The following TSPAN12 variants were observed in gnomAD, a reference collection of about 807,000 sequenced individuals.
TSPAN12 encodes the protein tetraspanin 12.
In TSPAN12, 19 loss-of-function variants were observed where a neutral mutation model predicts 39.2. That is an observed-to-expected ratio of 0.49 (90% CI 0.34 to 0.71). The LOEUF (loss-of-function observed/expected upper bound fraction) is 0.71, where lower values mean the gene tolerates loss of function less well. Ranked by LOEUF, TSPAN12 falls within the 30% of genes least tolerant of loss-of-function variation. The pLI is 0.01. For missense variants in TSPAN12, 314 were observed against 359.9 expected, an observed-to-expected ratio of 0.87 and a Z score of 1.03; for synonymous variants, 119 against 124.8, an observed-to-expected ratio of 0.95 and a Z score of 0.31.
chr7:120,840,901 G>A lies in TSPAN12; in HGVS notation c.67-792C>T, dbSNP rs375766695. On this transcript the variant is annotated intron_variant, in intron 2 of 7. Transcript: ENST00000222747. ...GATCTCTAGAAAAAAGATCCTCAAT[G>A]GCTGCAATTTTATCAGGTCATTGGT... Among the ~76,000 whole-genome samples, 6 of 152,288 alleles carry A rather than the reference G, an allele frequency of 3.9e-5. No individual in the cohort carries two copies. In the East Asian group the frequency reaches 5.8e-4, roughly 15 times the overall value.
At chr7:120,808,425 C>T (rs1402067245) in intron 6 of TSPAN12, among the ~76,000 whole-genome samples, 4 of 152,106 alleles carry the variant, frequency 2.6e-5, no homozygotes, top group Non-Finnish European at 5.9e-5. Context: ...CTGTGGTCTA[C>T]ATCTCCTTGT....
chr7:120,838,828 C>A lies in TSPAN12; in HGVS notation c.234G>T (p.Gly78=), dbSNP rs1794526154. ...TCACCGTTCCACAATATCCTAACATCCCCACAATGATAAGGAAACAGCAAA... is the reference window on the plus strand; with the variant it reads ...TCACCGTTCCACAATATCCTAACATACCCACAATGATAAGGAAACAGCAAA... ...IAVCCFLIIV[G]MLGYCGTVKR... is the part of the protein sequence containing the mutation. Residue 78 remains glycine, a synonymous_variant, in exon 4 of 8, where the codon GGG becomes GGT. Coordinates refer to ENST00000222747, the MANE Select transcript of TSPAN12 (RefSeq NM_012338.4). 4.3e-6 allele frequency: 7 copies of A among 1,613,820 alleles called. No homozygotes were observed. Among genetic ancestry groups the A allele is most frequent in the Non-Finnish European group, 5.9e-6 (7 of 1,179,898 alleles).
chr7:120,807,429 A>G (rs1265262008), intron 6 of TSPAN12, among the ~76,000 whole-genome samples: 1 of 152,120 alleles, frequency 6.6e-6, no homozygotes, highest in Non-Finnish European at 1.5e-5. Flanking sequence ...GTTTGGAAAC[A>G]CTGCTTAAGG....
chr7:120,804,903 G>A (rs1793840186), intron 7 of TSPAN12, among the ~76,000 whole-genome samples: 1 of 152,062 alleles, frequency 6.6e-6, no homozygotes, highest in Admixed American at 6.6e-5. Flanking sequence ...GAGGAACCAG[G>A]AAAATTGTCA....
chr7:120,839,949 C>G (rs1049386570), intron 3 of TSPAN12, 78 bp downstream of exon 3: 2 of 1,167,718 alleles, frequency 1.7e-6, no homozygotes, highest in Admixed American at 1.7e-5. Flanking sequence ...CAAGGAAGAG[C>G]ACTACCATAT....
At chr7:120,789,118 T>G (rs953979792) in intron 7 of TSPAN12, among the ~76,000 whole-genome samples, 1 of 152,196 alleles carries the variant, frequency 6.6e-6, no homozygotes, top group African/African-American at 2.4e-5. Flanking sequence ...GCCAACCCCT[T>G]CTTTTGTCTT....
At chr7:120,797,459 G>T (rs1793655600) in intron 7 of TSPAN12, among the ~76,000 whole-genome samples, 1 of 152,256 alleles carries the variant, frequency 6.6e-6, no homozygotes, top group East Asian at 1.9e-4. Context: ...ATGAAAGAGA[G>T]ATAAACTCCC....
intron 4 of TSPAN12, among the ~76,000 whole-genome samples, chr7:120,830,188 T>C (rs550712443): frequency 2.6e-5 from 4 of 152,254 alleles, no homozygotes; most frequent in African/African-American, 9.6e-5. Context: ...GTTTATGGAT[T>C]AGAAGAATTA....
chr7:120,855,090 G>T (rs1238220678), intron 2 of TSPAN12, among the ~76,000 whole-genome samples: 8 of 152,096 alleles, frequency 5.3e-5, no homozygotes, highest in Non-Finnish European at 1.0e-4. Flanking sequence ...GAATGATTTG[G>T]TTCTTTTTTC....
chr7:120,798,388 G>C (rs962108312), intron 7 of TSPAN12, among the ~76,000 whole-genome samples: 3 of 152,146 alleles, frequency 2.0e-5, no homozygotes, highest in African/African-American at 7.2e-5. Flanking sequence ...ACAGGAGGGA[G>C]CATCTTTGAC....
At chr7:120,802,628 C>A (rs1793795962) in intron 7 of TSPAN12, among the ~76,000 whole-genome samples, 1 of 152,036 alleles carries the variant, frequency 6.6e-6, no homozygotes, top group South Asian at 2.1e-4. Flanking sequence ...CAAATGGAAC[C>A]CAGTAGGCAA....
intron 2 of TSPAN12, among the ~76,000 whole-genome samples, chr7:120,849,115 CCA>C (rs1225731062): frequency 2.6e-5 from 4 of 152,176 alleles, no homozygotes; most frequent in African/African-American, 4.8e-5. Flanking sequence ...TTTGCTTTCT[CCA>C]GTATTGCAAC....
At chr7:120,802,786 T>C (rs1793799250) in intron 7 of TSPAN12, among the ~76,000 whole-genome samples, 1 of 152,226 alleles carries the variant, frequency 6.6e-6, no homozygotes, top group South Asian at 2.1e-4. Flanking sequence ...TTATGGATAT[T>C]TGAAGAGCTG....
chr7:120,822,615 G>A (rs932806888), intron 4 of TSPAN12, among the ~76,000 whole-genome samples: 1 of 152,058 alleles, frequency 6.6e-6, no homozygotes, highest in Admixed American at 6.6e-5. Flanking sequence ...TTCACATCAC[G>A]GAGTCCCCAA....
intron 2 of TSPAN12, 121 bp from the exon 3 acceptor site, chr7:120,840,230 T>C: frequency 2.5e-6 from 2 of 815,990 alleles, no homozygotes; most frequent in Non-Finnish European, 2.1e-6. Context: ...ATTTGCTGCA[T>C]CTTGAAATTT....
At chr7:120,822,848 C>T (rs1229910471) in intron 4 of TSPAN12, among the ~76,000 whole-genome samples, 5 of 152,072 alleles carry the variant, frequency 3.3e-5, no homozygotes, top group Admixed American at 3.3e-4. Flanking sequence ...TGACAAAGTA[C>T]AGTACTAGAA....
chr7:120,838,361 G>C (rs1794517316), intron 4 of TSPAN12, among the ~76,000 whole-genome samples: 1 of 152,176 alleles, frequency 6.6e-6, no homozygotes, highest in Non-Finnish European at 1.5e-5. Flanking sequence ...GGCAGTGACA[G>C]GACCATTACA....
chr7:120,805,960 AT>A, intron 7 of TSPAN12, among the ~76,000 whole-genome samples: 1 of 152,230 alleles, frequency 6.6e-6, no homozygotes. Flanking sequence ...GTAATTGATT[AT>A]TCTGATCAAT....
At chr7:120,845,566 C>T (rs550599627) in intron 2 of TSPAN12, among the ~76,000 whole-genome samples, 3 of 152,286 alleles carry the variant, frequency 2.0e-5, no homozygotes, top group East Asian at 1.9e-4. Context: ...TGCCAGATTA[C>T]CCTAAATCAT....
Sources: gnomAD v4.1 joint callset for allele counts (sites outside exome capture counted in the v4.1 genomes callset) on GRCh38, gnomAD v4.1.1 for gene constraint, MANE v1.5 for transcripts, NCBI Gene and HGNC (gene_info 2026-07-23, HGNC 2026-07-21) for gene names.